UNC5D: variants seen among roughly 807,000 people sequenced by gnomAD.
UNC5D encodes netrin receptor UNC5D.
In UNC5D, 39 loss-of-function variants were observed where a neutral mutation model predicts 105.4. The ratio of observed to expected loss-of-function variants is 0.37; its 90% CI spans 0.29 to 0.48. UNC5D has a LOEUF of 0.48. Ranked by LOEUF, UNC5D falls within the 20% of genes least tolerant of loss-of-function variation. The pLI, the probability that UNC5D is intolerant of heterozygous loss-of-function variation, is 0.98. For missense variants in UNC5D, 991 were observed against 1,202.4 expected (o/e 0.82, Z 2.60); for synonymous variants, 452 against 450.4 (o/e 1.00, Z -0.04).
At chr8:35,400,350 G>A (rs1418068890) in intron 1 of UNC5D, among the ~76,000 whole-genome samples, 1 of 151,970 alleles carries the variant, frequency 6.6e-6, no homozygotes, top group Admixed American at 6.6e-5. Context: ...GCATATTCTG[G>A]TGATATGTTA....
chr8:35,427,648 C>T (rs1343420956), intron 1 of UNC5D, among the ~76,000 whole-genome samples: 2 of 152,258 alleles, frequency 1.3e-5, no homozygotes, highest in South Asian at 2.1e-4. Context: ...TATTTCAGTT[C>T]GGATCTTTCC....
chr8:35,725,274 A>C lies in UNC5D; in HGVS notation c.1304-878A>C, dbSNP rs958910166. Among the ~76,000 whole-genome samples, 2 of 152,192 alleles carry C rather than the reference A, an allele frequency of 1.3e-5. 1 individual carries two copies. Among genetic ancestry groups the C allele is most frequent in the Non-Finnish European group, 2.9e-5 (2 of 68,040 alleles). On this transcript the variant is annotated intron_variant, in intron 9 of 16. Transcript: ENST00000404895. ...GATATGGGTGTGAAGCTTGGGACTG[A>C]GAGTTATTTTGTTATTTACTAATAA...
chr8:35,236,677 G>T (rs1454576650), intron 1 of UNC5D, among the ~76,000 whole-genome samples: 2 of 152,158 alleles, frequency 1.3e-5, no homozygotes, highest in East Asian at 1.9e-4. Flanking sequence ...GGGAAATTTC[G>T]CAACTGGTTT....
At chr8:35,519,056 A>G (rs987288687) in intron 1 of UNC5D, among the ~76,000 whole-genome samples, 3 of 152,168 alleles carry the variant, frequency 2.0e-5, no homozygotes, top group African/African-American at 7.2e-5. Context: ...TTCTACTCTT[A>G]AAATAACTTC....
intron 1 of UNC5D, among the ~76,000 whole-genome samples, chr8:35,517,602 G>A (rs1303918425): frequency 2.0e-5 from 3 of 152,040 alleles, no homozygotes; most frequent in Non-Finnish European, 4.4e-5. Flanking sequence ...GTTGAGGTGA[G>A]TGCCCAATTT....
intron 1 of UNC5D, among the ~76,000 whole-genome samples, chr8:35,533,453 T>C (rs943377625): frequency 7.2e-5 from 11 of 152,102 alleles, no homozygotes; most frequent in African/African-American, 2.7e-4. Flanking sequence ...TCTTCAAAGC[T>C]GTCATACAAG....
In UNC5D at chr8:35,683,583, G is replaced by C. The variant is rs770043059; in HGVS notation, c.607G>C (p.Glu203Gln). 1 of 1,574,228 alleles carries C rather than the reference G, an allele frequency of 6.4e-7. No homozygotes were observed. Among genetic ancestry groups the C allele is most frequent in the East Asian group, 2.4e-5 (1 of 42,120 alleles). The change falls in exon 5 of 17, where the codon GAA becomes CAA. Residue 203 changes from glutamate (E) to glutamine (Q), a missense_variant. Glu to Gln is a conservative substitution (Grantham distance 29). Around this residue, in one of 3 missense-constraint regions of UNC5D, gnomAD observed 944 missense variants for 1,131.6 expected, o/e 0.83. Transcript: ENST00000404895. ...GAAAAATGAAGAGCCCATTGACTCT[G>C]AACAAGACGAGAACATTGACACCAG... ...WLKNEEPIDS[E>Q]QDENIDTRAD...
intron 1 of UNC5D, among the ~76,000 whole-genome samples, chr8:35,477,286 C>A (rs556840353): frequency 6.6e-6 from 1 of 151,680 alleles, no homozygotes; most frequent in Non-Finnish European, 1.5e-5. Flanking sequence ...ATAATAACTT[C>A]TAGTTTGAAT....
chr8:35,707,758 T>C (rs1474752226), intron 8 of UNC5D, among the ~76,000 whole-genome samples: 1 of 152,204 alleles, frequency 6.6e-6, no homozygotes, highest in Non-Finnish European at 1.5e-5. Context: ...TTTGGTTACA[T>C]CTGTACTTCC....
At chr8:35,526,184 T>C (rs1813857316) in intron 1 of UNC5D, among the ~76,000 whole-genome samples, 1 of 152,224 alleles carries the variant, frequency 6.6e-6, no homozygotes, top group Admixed American at 6.5e-5. Context: ...TGTTTTCTAC[T>C]TTCTCATAGA....
intron 14 of UNC5D, among the ~76,000 whole-genome samples, chr8:35,764,078 C>T (rs1801661217): frequency 6.6e-6 from 1 of 152,146 alleles, no homozygotes; most frequent in Non-Finnish European, 1.5e-5. Context: ...CCCTCATTTG[C>T]TCTATGTAGT....
At chr8:35,753,024 G>A in intron 13 of UNC5D, among the ~76,000 whole-genome samples, 1 of 152,130 alleles carries the variant, frequency 6.6e-6, no homozygotes, top group Admixed American at 6.5e-5. Context: ...AGATAGACAT[G>A]TACTTAAAGA....
intron 13 of UNC5D, among the ~76,000 whole-genome samples, chr8:35,755,342 T>C (rs900419483): frequency 9.9e-5 from 15 of 152,142 alleles, no homozygotes; most frequent in African/African-American, 3.6e-4. Flanking sequence ...TACTTGGCAT[T>C]AAGGTGGATT....
At chr8:35,647,174 G>T (rs141189581) in intron 4 of UNC5D, among the ~76,000 whole-genome samples, 341 of 152,274 alleles carry the variant, frequency 2.2e-3, no homozygotes, top group African/African-American at 7.8e-3. Context: ...AATGTCTTGT[G>T]TCTGAGCCTT....
At chr8:35,243,677 G>C (rs1285794821) in intron 1 of UNC5D, among the ~76,000 whole-genome samples, 3 of 152,066 alleles carry the variant, frequency 2.0e-5, no homozygotes, top group African/African-American at 7.2e-5. Context: ...AAAAAACAGA[G>C]CAGTGAGTCC....
At chr8:35,557,483 A>G (rs1316400776) in intron 2 of UNC5D, among the ~76,000 whole-genome samples, 1 of 152,232 alleles carries the variant, frequency 6.6e-6, no homozygotes, top group Non-Finnish European at 1.5e-5. Flanking sequence ...CTAATTAATT[A>G]TCTGCCAGTA....
At chr8:35,649,465 G>A (rs1823270789) in intron 4 of UNC5D, among the ~76,000 whole-genome samples, 1 of 152,194 alleles carries the variant, frequency 6.6e-6, no homozygotes, top group African/African-American at 2.4e-5. Flanking sequence ...ATTATCCAAT[G>A]AGAATTTTAC....
At chr8:35,476,428 T>A (rs1252638162) in intron 1 of UNC5D, among the ~76,000 whole-genome samples, 2 of 152,234 alleles carry the variant, frequency 1.3e-5, no homozygotes, top group Non-Finnish European at 1.5e-5. Flanking sequence ...TAATATTTGA[T>A]GAATCTCTTT....
intron 11 of UNC5D, among the ~76,000 whole-genome samples, chr8:35,735,609 C>T (rs563049548): frequency 1.6e-4 from 24 of 152,178 alleles, no homozygotes; most frequent in African/African-American, 5.8e-4. Flanking sequence ...GGTACCATGG[C>T]TTTAATAGCA....
Sources: gnomAD v4.1 joint callset for allele counts (sites outside exome capture counted in the v4.1 genomes callset) on GRCh38, gnomAD v4.1.1 for gene constraint, gnomAD v4.1.1 regional missense constraint, MANE v1.5 for transcripts, NCBI Gene and HGNC (gene_info 2026-07-23, HGNC 2026-07-21) for gene names.